DENND4A: variants seen among roughly 807,000 people sequenced by gnomAD.
The protein encoded by DENND4A is C-myc promoter-binding protein.
In DENND4A, 70 loss-of-function variants were observed where a neutral mutation model predicts 199.3. That is an observed-to-expected ratio of 0.35 (90% confidence interval 0.29 to 0.43). The LOEUF (loss-of-function observed/expected upper bound fraction) is 0.43, where lower values mean the gene tolerates loss of function less well. Among genes scored for constraint, DENND4A ranks in the 20% least tolerant of loss-of-function variants. DENND4A has a pLI of 1.00. For missense variants in DENND4A, 1,723 were observed against 2,255.8 expected (o/e 0.76, Z 4.78); for synonymous variants, 686 against 766.9 (o/e 0.89, Z 1.74).
intron 23 of DENND4A, among the ~76,000 whole-genome samples, chr15:65,680,481 A>G (rs2076533732): frequency 6.6e-6 from 1 of 152,212 alleles, no homozygotes; most frequent in South Asian, 2.1e-4. Context: ...TGCATACAAG[A>G]ATTACTTAGT....
rs1567021366 is a variant in DENND4A at position 65,701,070 on chromosome 15, T to C, written c.2682A>G (p.Leu894=). 1 of 1,607,392 alleles carries C rather than the reference T, an allele frequency of 6.2e-7. No homozygotes were observed. The change falls in exon 19 of 33, where the codon TTA becomes TTG. Residue 894 remains leucine, a synonymous_variant. Transcript: ENST00000443035. Reference sequence around the variant, plus strand: ...CCTTACCTGAGAGAGTTGTTTGTGATAAGTGTGCATGCTTCTTTAAAGCTC... The same window carrying C: ...CCTTACCTGAGAGAGTTGTTTGTGACAAGTGTGCATGCTTCTTTAAAGCTC... ...FKRALKKHAH[L]SQTTLSADGS... is the part of the protein sequence containing the mutation.
intron 2 of DENND4A, among the ~76,000 whole-genome samples, chr15:65,760,624 C>A (rs1034188482): frequency 2.0e-5 from 3 of 152,134 alleles, no homozygotes; most frequent in Admixed American, 1.3e-4. Flanking sequence ...CAGAGTGGCT[C>A]ATGCCTATAA....
intron 5 of DENND4A, among the ~76,000 whole-genome samples, chr15:65,739,601 T>C (rs962715354): frequency 2.0e-5 from 3 of 152,122 alleles, no homozygotes. Flanking sequence ...GTAGAAACTA[T>C]CACTAGACAG....
intron 15 of DENND4A, 200 bp downstream of exon 15, chr15:65,705,891 C>T: frequency 1.6e-6 from 1 of 609,530 alleles, no homozygotes; most frequent in Non-Finnish European, 2.1e-6. Context: ...CTTCCCAAGT[C>T]TATATTATGC....
At chr15:65,767,539 C>T (rs1596652714) in intron 1 of DENND4A, 1 of 152,142 alleles carries the variant, frequency 6.6e-6, no homozygotes, top group African/African-American at 2.4e-5. Context: ...AACTCCTGGG[C>T]CAAGCAATTC....
At chr15:65,728,986 C>T in intron 11 of DENND4A, 86 bp downstream of exon 11, 1 of 1,292,590 alleles carries the variant, frequency 7.7e-7, no homozygotes, top group Non-Finnish European at 1.1e-6. Context: ...TAAAAGAATC[C>T]TACTTAACAA....
At chr15:65,765,831 C>A (rs1657795513) in intron 1 of DENND4A, among the ~76,000 whole-genome samples, 1 of 152,224 alleles carries the variant, frequency 6.6e-6, no homozygotes, top group African/African-American at 2.4e-5. Flanking sequence ...TTTATAAGCA[C>A]ACACACTGCC....
At chr15:65,725,083 C>T (rs2075761985) in intron 11 of DENND4A, among the ~76,000 whole-genome samples, 1 of 152,126 alleles carries the variant, frequency 6.6e-6, no homozygotes, top group African/African-American at 2.4e-5. Flanking sequence ...CCCTCTAAAA[C>T]TTGGCTGGGT....
intron 23 of DENND4A, among the ~76,000 whole-genome samples, chr15:65,677,947 T>TTC (rs1555413819): frequency 2.7e-5 from 4 of 148,816 alleles, no homozygotes; most frequent in African/African-American, 9.8e-5. Flanking sequence ...TTTTTTTTTT[T>TTC]CAAAGAATTT....
intron 1 of DENND4A, chr15:65,771,329 A>G (rs2077119213): frequency 6.3e-7 from 1 of 1,588,662 alleles, no homozygotes; most frequent in African/African-American, 1.3e-5. Flanking sequence ...GTTATTTCGA[A>G]TATTAGTCAC....
intron 4 of DENND4A, among the ~76,000 whole-genome samples, chr15:65,745,430 T>C (rs867442981): frequency 2.4e-4 from 37 of 152,240 alleles, no homozygotes; most frequent in South Asian, 6.2e-4. Flanking sequence ...TTTCTCTTGA[T>C]GGAAAAATAT....
At chr15:65,782,021 G>C (rs892746513) in intron 1 of DENND4A, among the ~76,000 whole-genome samples, 3 of 152,214 alleles carry the variant, frequency 2.0e-5, no homozygotes, top group Non-Finnish European at 4.4e-5. Context: ...GTGGGATAAA[G>C]AGTAAATAAG....
chr15:65,702,595 C>A, intron 16 of DENND4A, 84 bp from the exon 17 acceptor site: 1 of 1,161,768 alleles, frequency 8.6e-7, no homozygotes, highest in Non-Finnish European at 1.2e-6. Flanking sequence ...GTACAAGTCA[C>A]ATGCTTTTAT....
In DENND4A at chr15:65,676,192, A is replaced by C. The variant is rs562742468; in HGVS notation, c.4369+253T>G. Among the ~76,000 whole-genome samples the C allele has an allele frequency of 1.3e-3, 190 of 147,292 alleles. 1 individual carries two copies. The highest frequency in any genetic ancestry group is 3.2e-3 in the Admixed American group (47 of 14,656). On this transcript the variant is annotated intron_variant, in intron 24 of 32. Coordinates refer to ENST00000443035, the MANE Select transcript of DENND4A (RefSeq NM_001320835.1). ...CCTATACCTATATTTTTAAAAAAGC[A>C]ACGATGGAAGGATAAACCAAAAATG...
chr15:65,660,495 T>C lies in DENND4A; in HGVS notation c.*1356A>G, dbSNP rs930189599. ...TAGGGAATTCCTTCACTAATGATAA[T>C]GTGTGCAAACACACACACATATTGA... On this transcript the variant is annotated 3_prime_UTR_variant, in exon 33 of 33. Transcript: ENST00000443035. 1.9e-6 allele frequency: 1 copy of C among 539,256 alleles called. No homozygotes were observed. The highest frequency in any genetic ancestry group is 1.9e-5 in the African/African-American group (1 of 52,896). The allele number at this position is 539,256 out of a possible 1,614,324, so 33.4% of individuals were successfully genotyped here.
chr15:65,665,987 A>C (rs1414392388), intron 29 of DENND4A, among the ~76,000 whole-genome samples: 1 of 152,202 alleles, frequency 6.6e-6, no homozygotes, highest in East Asian at 1.9e-4. Flanking sequence ...CGAAAATACA[A>C]ATGAACATAT....
chr15:65,748,271 TAAAC>T (rs1324982392), intron 4 of DENND4A, among the ~76,000 whole-genome samples: 4 of 150,594 alleles, frequency 2.7e-5, no homozygotes, highest in African/African-American at 9.9e-5. Context: ...ATTTAAAAAT[TAAAC>T]AAAATCCACG....
chr15:65,691,815 T>C (rs971064836), intron 22 of DENND4A, among the ~76,000 whole-genome samples: 2 of 152,140 alleles, frequency 1.3e-5, no homozygotes, highest in Non-Finnish European at 2.9e-5. Context: ...GGTATGCTCC[T>C]AGACATCAGG....
In DENND4A at chr15:65,724,051, C is replaced by T. The variant is rs182281851; in HGVS notation, c.1488-1103G>A. 3.9e-3 allele frequency among the ~76,000 whole-genome samples: 587 copies of T among 151,920 alleles called. 2 individuals are homozygous for T. Among genetic ancestry groups the T allele is most frequent in the Non-Finnish European group, 6.2e-3 (424 of 67,942 alleles). Reference sequence around the variant, plus strand: ...TTGGACTTAAAGATAGCTTTAATGACTCCACTTTAAAAAAAAAAACCAGAG... The same window carrying T: ...TTGGACTTAAAGATAGCTTTAATGATTCCACTTTAAAAAAAAAAACCAGAG... On this transcript the variant is annotated intron_variant, in intron 11 of 32. Transcript: ENST00000443035.
Sources: gnomAD v4.1 joint callset for allele counts (sites outside exome capture counted in the v4.1 genomes callset) on GRCh38, gnomAD v4.1.1 for gene constraint, MANE v1.5 for transcripts, NCBI Gene and HGNC (gene_info 2026-07-23, HGNC 2026-07-21) for gene names.